CD109: variants seen among roughly 807,000 people sequenced by gnomAD.
The protein encoded by CD109 is CD109 molecule.
CD109 carries 149 observed loss-of-function variants against 165.8 expected under a neutral mutation model. The observed-to-expected ratio is 0.90, with a 90% CI of 0.79 to 1.03. The LOEUF is 1.03. Among genes scored for constraint, CD109 ranks in the 50% least tolerant of loss-of-function variants. CD109 has a pLI of 0.00. For missense variants in CD109, 1,712 were observed against 1,677.8 expected (o/e 1.02, Z -0.36); for synonymous variants, 585 against 592.1 (o/e 0.99, Z 0.18).
chr6:73,804,891 AT>A (rs1775509439), intron 24 of CD109, among the ~76,000 whole-genome samples: 1 of 152,226 alleles, frequency 6.6e-6, no homozygotes, highest in African/African-American at 2.4e-5. Context: ...CAACAGACAC[AT>A]TAAAAAATGC....
At chr6:73,695,834 T>C (rs1770799267), upstream of CD109, 3 of 284,496 alleles carry the variant, frequency 1.1e-5, no homozygotes, top group African/African-American at 2.3e-5. Flanking sequence ...TTACTCACCC[T>C]GGGCATCGTT....
At chr6:73,736,583 TC>T in intron 5 of CD109, 75 bp downstream of exon 5, 2 of 1,302,064 alleles carry the variant, frequency 1.5e-6, no homozygotes, top group Non-Finnish European at 2.1e-6. Context: ...ATCTCCAAAG[TC>T]ATTTATACAA....
At chr6:73,762,977 T>A in intron 9 of CD109, 95 bp downstream of exon 9, 3 of 1,116,450 alleles carry the variant, frequency 2.7e-6, no homozygotes, top group Non-Finnish European at 3.8e-6. Flanking sequence ...GGAGCATCAT[T>A]GACTTTCTAA....
intron 23 of CD109, among the ~76,000 whole-genome samples, chr6:73,797,955 A>C (rs1562075510): frequency 6.6e-6 from 1 of 152,184 alleles, no homozygotes; most frequent in South Asian, 2.1e-4. Context: ...ATTAACTTAA[A>C]GGTGATACTC....
intron 5 of CD109, among the ~76,000 whole-genome samples, chr6:73,752,412 T>C (rs1773227634): frequency 6.6e-6 from 1 of 152,178 alleles, no homozygotes; most frequent in African/African-American, 2.4e-5. Flanking sequence ...AAAAGGGTGG[T>C]AAAAATAATG....
intron 17 of CD109, 29 bp downstream of exon 17, chr6:73,781,348 T>G (rs1774489442): frequency 1.3e-6 from 2 of 1,574,348 alleles, no homozygotes; most frequent in African/African-American, 2.7e-5. Flanking sequence ...CATGCTTGTA[T>G]TTGTCTTTCA....
chr6:73,757,413 T>G (rs1418961647), intron 6 of CD109, among the ~76,000 whole-genome samples: 4 of 152,190 alleles, frequency 2.6e-5, no homozygotes, highest in South Asian at 2.1e-4. Context: ...TTGCTGTGGT[T>G]CAATAAACTT....
chr6:73,794,850 T>C (rs572265238), intron 23 of CD109, among the ~76,000 whole-genome samples: 55 of 152,224 alleles, frequency 3.6e-4, no homozygotes, highest in Admixed American at 1.2e-3. Flanking sequence ...GAGTTGCCCA[T>C]GTAAAATTAT....
At position 73,808,147 on chromosome 6, in the gene CD109, A is replaced by G; in HGVS notation, c.3254A>G (p.Asp1085Gly). The G allele has an allele frequency of 1.9e-6, 3 of 1,613,532 alleles. 1 individual carries two copies. Among genetic ancestry groups the G allele is most frequent in the Non-Finnish European group, 8.5e-7 (1 of 1,179,640 alleles). Residue 1085 changes from aspartate (D) to glycine (G), a missense_variant, in exon 26 of 33, where the codon GAC (aspartate) becomes GGC (glycine). Transcript: ENST00000287097. ...LESEFSRGIS[D>G]NYTLALITYA... ...TCTGAATTCAGTAGAGGAATTTCAGACAATTATACTCTAGCCCTTATAACT... is the reference window on the plus strand; with the variant it reads ...TCTGAATTCAGTAGAGGAATTTCAGGCAATTATACTCTAGCCCTTATAACT...
intron 5 of CD109, among the ~76,000 whole-genome samples, chr6:73,744,425 A>G (rs1772904098): frequency 6.6e-6 from 1 of 152,158 alleles, no homozygotes; most frequent in Admixed American, 6.5e-5. Flanking sequence ...ATATCTTTGT[A>G]TATTTTCATT....
rs773994610 is a variant in CD109, at chr6:73,788,675, G to A, written c.2701+63G>A. The A allele has an allele frequency of 2.8e-6, 4 of 1,423,836 alleles. No homozygotes were observed. In the East Asian group the frequency reaches 7.2e-5, roughly 26 times the overall value. The allele number at this position is 1,423,836 out of a possible 1,614,324, so 88.2% of individuals were successfully genotyped here. ...GTATATGATCATATATGTTGTTCTT[G>A]TAATTATAGATGTATTTTCTTATTG... On this transcript the variant is annotated intron_variant, in intron 22 of 32. Transcript: ENST00000287097.
upstream of CD109, among the ~76,000 whole-genome samples, chr6:73,693,153 T>TA (rs34981826): frequency 0.71 from 106,462 of 150,396 alleles, 37,899 homozygotes; most frequent in African/African-American, 0.78. Context: ...GGTAATTTAT[T>TA]AAAAAAAAAA....
At chr6:73,706,647 GGT>G (rs1771276147) in intron 2 of CD109, among the ~76,000 whole-genome samples, 1 of 152,168 alleles carries the variant, frequency 6.6e-6, no homozygotes, top group African/African-American at 2.4e-5. Flanking sequence ...CAAGGCTCAG[GGT>G]GAAATTGGTC....
chr6:73,727,197 C>T (rs957324481), intron 3 of CD109, among the ~76,000 whole-genome samples: 1 of 152,112 alleles, frequency 6.6e-6, no homozygotes, highest in Non-Finnish European at 1.5e-5. Context: ...TTTCTTCAGT[C>T]TCATTATGCG....
chr6:73,712,201 T>TC (rs1261274818), intron 2 of CD109, among the ~76,000 whole-genome samples: 4 of 41,250 alleles, frequency 9.7e-5, no homozygotes, highest in African/African-American at 2.0e-4. Flanking sequence ...GAAGCGAGAC[T>TC]CCGTCTCAAA....
intron 31 of CD109, among the ~76,000 whole-genome samples, chr6:73,819,866 A>G (rs1776052844): frequency 6.6e-6 from 1 of 152,134 alleles, no homozygotes; most frequent in African/African-American, 2.4e-5. Flanking sequence ...AGTGTCCAGT[A>G]CTCTTTGAGT....
chr6:73,791,124 T>TATAC lies in CD109; in HGVS notation c.2702-1490_2702-1487dup, dbSNP rs869120436. On this transcript the variant is annotated intron_variant, in intron 22 of 32. Coordinates refer to ENST00000287097, the MANE Select transcript of CD109 (RefSeq NM_133493.5). ...AGAGGACTTTATTTGGAGGCATATA[T>TATAC]ATACATACATACATATATATATATA... Among the ~76,000 whole-genome samples, 12 of 73,950 alleles carry TATAC rather than the reference T, an allele frequency of 1.6e-4. 1 individual carries two copies. The highest frequency in any genetic ancestry group is 1.3e-3 in the South Asian group (3 of 2,226). The allele number at this position is 73,950 out of a possible 152,430, so 48.5% of individuals were successfully genotyped here.
intron 26 of CD109, 85 bp from the exon 27 acceptor site, chr6:73,809,899 C>A: frequency 9.8e-7 from 1 of 1,019,930 alleles, no homozygotes; most frequent in Non-Finnish European, 1.4e-6. Flanking sequence ...TTAAGTACAA[C>A]TTGGACCAGA....
intron 31 of CD109, among the ~76,000 whole-genome samples, chr6:73,819,312 T>A (rs1323935793): frequency 6.6e-6 from 1 of 152,238 alleles, no homozygotes; most frequent in African/African-American, 2.4e-5. Flanking sequence ...TTTCCATTGC[T>A]GAATGAGTAC....
Sources: gnomAD v4.1 joint callset for allele counts (sites outside exome capture counted in the v4.1 genomes callset) on GRCh38, gnomAD v4.1.1 for gene constraint, MANE v1.5 for transcripts, NCBI Gene and HGNC (gene_info 2026-07-23, HGNC 2026-07-21) for gene names.